MRPS35: variants seen among roughly 807,000 people sequenced by gnomAD.
MRPS35 encodes the protein small ribosomal subunit protein mS35.
In MRPS35, 29 loss-of-function variants were observed where a neutral mutation model predicts 32.7. The ratio of observed to expected loss-of-function variants is 0.89; its 90% CI spans 0.66 to 1.21. MRPS35 has a LOEUF of 1.21. Ranked by LOEUF, MRPS35 falls within the 50% of genes most tolerant of loss-of-function variation. The pLI, the probability that MRPS35 is intolerant of heterozygous loss-of-function variation, is 0.00. For missense variants in MRPS35, 373 were observed against 383.8 expected, an observed-to-expected ratio of 0.97 and a Z score of 0.23; for synonymous variants, 148 against 139.3, an observed-to-expected ratio of 1.06 and a Z score of -0.44.
At position 27,713,302 on chromosome 12, in the gene MRPS35, G is replaced by A. The variant is rs79347277; in HGVS notation, c.113-1478G>A. Among the ~76,000 whole-genome samples, 323 of 152,320 alleles carry A rather than the reference G, an allele frequency of 2.1e-3. 3 individuals carry two copies. The highest frequency in any genetic ancestry group is 0.015 in the East Asian group (77 of 5,186). ...TTTTCCAGAGAGACAGAACGTAGAT[G>A]TAGGATAGGATAGATGTAGATGTAG... On this transcript the variant is annotated intron_variant, in intron 1 of 7. Transcript: ENST00000081029.
chr12:27,754,383 A>G (rs1329714220), intron 7 of MRPS35, among the ~76,000 whole-genome samples: 2 of 152,118 alleles, frequency 1.3e-5, no homozygotes, highest in South Asian at 2.1e-4. Context: ...CAAGTATATC[A>G]CAGAAATAAA....
Position 27,716,315 on chromosome 12 carries a change from A to G in MRPS35, c.178A>G (p.Met60Val). The G allele has an allele frequency of 6.2e-7, 1 of 1,611,356 alleles. No individual in the cohort carries two copies. The highest frequency in any genetic ancestry group is 1.1e-5 in the South Asian group (1 of 90,470). ...RKALPPRTEKMAVDQDWPSVY... is the reference protein window; with the variant it reads ...RKALPPRTEKVAVDQDWPSVY... ...GGCACTACCTCCTAGGACAGAGAAA[A>G]TGGCTGTTGACCAGGACTGGCCTAG... The change falls in exon 3 of 8, where the codon ATG becomes GTG. Residue 60 changes from methionine (M) to valine (V), a missense_variant. Physicochemically the swap from Met to Val is conservative, Grantham distance 21. Transcript: ENST00000081029.
intron 5 of MRPS35, 39 bp from the exon 6 acceptor site, chr12:27,735,408 A>T (rs911859786): frequency 1.4e-6 from 2 of 1,438,666 alleles, no homozygotes; most frequent in Non-Finnish European, 9.6e-7. Flanking sequence ...AAACAATTAT[A>T]TGAAATTATT....
chr12:27,713,928 A>G (rs529253309), intron 1 of MRPS35, among the ~76,000 whole-genome samples: 1 of 152,100 alleles, frequency 6.6e-6, no homozygotes, highest in Non-Finnish European at 1.5e-5. Context: ...CTCTACAAGA[A>G]TTAGCCGGGT....
chr12:27,714,922 C>A, intron 2 of MRPS35, 102 bp downstream of exon 2: 1 of 1,011,554 alleles, frequency 9.9e-7, no homozygotes, highest in South Asian at 1.5e-5. Context: ...GAAGACTTCA[C>A]AAGGTCATGT....
At chr12:27,719,369 A>G (rs2061863711) in intron 3 of MRPS35, among the ~76,000 whole-genome samples, 1 of 152,198 alleles carries the variant, frequency 6.6e-6, no homozygotes, top group Non-Finnish European at 1.5e-5. Flanking sequence ...GAAAATCAAT[A>G]TTGTAAAAAA....
intron 1 of MRPS35, among the ~76,000 whole-genome samples, chr12:27,713,696 A>G (rs1207378400): frequency 1.3e-5 from 2 of 152,190 alleles, no homozygotes; most frequent in Admixed American, 6.5e-5. Flanking sequence ...CACTGACTCA[A>G]ATGCCTGTCT....
intron 6 of MRPS35, among the ~76,000 whole-genome samples, chr12:27,736,980 A>C (rs2061945253): frequency 6.6e-6 from 1 of 152,220 alleles, no homozygotes. Flanking sequence ...GGGCTTATGC[A>C]GTCTCCTGCC....
At chr12:27,754,081 C>G (rs189287719) in intron 7 of MRPS35, among the ~76,000 whole-genome samples, 1 of 152,148 alleles carries the variant, frequency 6.6e-6, no homozygotes, top group Admixed American at 6.6e-5. Context: ...TGGTGAAACT[C>G]CAACTCTACT....
intron 7 of MRPS35, among the ~76,000 whole-genome samples, chr12:27,740,778 C>G (rs1455918910): frequency 6.6e-6 from 1 of 152,180 alleles, no homozygotes; most frequent in African/African-American, 2.4e-5. Flanking sequence ...ATAGACATCG[C>G]AAAGCCTAAG....
chr12:27,728,898 A>C (rs145699180), intron 5 of MRPS35, among the ~76,000 whole-genome samples: 142 of 152,278 alleles, frequency 9.3e-4, no homozygotes, highest in Middle Eastern at 3.4e-3. Context: ...TATGTTTGGC[A>C]AGAATACTTT....
At chr12:27,717,386 G>A (rs1484451596) in intron 3 of MRPS35, among the ~76,000 whole-genome samples, 1 of 152,186 alleles carries the variant, frequency 6.6e-6, no homozygotes, top group Non-Finnish European at 1.5e-5. Context: ...AATAGGTTAA[G>A]GCAAATGCTT....
chr12:27,744,792 A>C, intron 7 of MRPS35, among the ~76,000 whole-genome samples: 1 of 152,324 alleles, frequency 6.6e-6, no homozygotes, highest in East Asian at 1.9e-4. Flanking sequence ...TCAGACAAAT[A>C]CATCTGGCCT....
intron 7 of MRPS35, among the ~76,000 whole-genome samples, chr12:27,752,519 TCAGG>T (rs764139991): frequency 1.3e-5 from 2 of 152,196 alleles, no homozygotes; most frequent in Non-Finnish European, 2.9e-5. Flanking sequence ...CTTCTAGCAG[TCAGG>T]CAGTTGAGTC....
chr12:27,730,534 G>A (rs1199645035), intron 5 of MRPS35, among the ~76,000 whole-genome samples: 1 of 152,178 alleles, frequency 6.6e-6, no homozygotes, highest in Admixed American at 6.5e-5. Context: ...CTGCAGCCTC[G>A]ACCTTCCCAG....
chr12:27,729,927 A>G (rs968564918), intron 5 of MRPS35, among the ~76,000 whole-genome samples: 6 of 152,350 alleles, frequency 3.9e-5, no homozygotes, highest in African/African-American at 1.2e-4. Flanking sequence ...CTTGGTACAC[A>G]TGGCATATCT....
At chr12:27,726,012 GATGC>G (rs201331074) in intron 5 of MRPS35, among the ~76,000 whole-genome samples, 2,937 of 151,194 alleles carry the variant, frequency 0.019, 58 homozygotes, top group South Asian at 0.072. Context: ...GTTTTGCCAT[GATGC>G]CCAGGCTGGT....
rs1300398266 is a variant in MRPS35 at position 27,755,421 on chromosome 12, T to TC, written c.945dup (p.Val316ArgfsTer18). 1 of 1,581,322 alleles carries TC rather than the reference T, an allele frequency of 6.3e-7. No individual in the cohort carries two copies. Among genetic ancestry groups the TC allele is most frequent in the Non-Finnish European group, 8.5e-7 (1 of 1,171,740 alleles). ...AAATTCCATTTCTCAGTACAAAGAA[T>TC]CCGTGAAGAGACTATTAAATGTGAC... On this transcript the variant is annotated frameshift_variant, in exon 8 of 8. Transcript: ENST00000081029. LOFTEE classifies it high-confidence loss of function.
At chr12:27,748,767 C>T (rs749117864) in intron 7 of MRPS35, among the ~76,000 whole-genome samples, 1 of 151,936 alleles carries the variant, frequency 6.6e-6, no homozygotes, top group Non-Finnish European at 1.5e-5. Context: ...GCCTCTTGGG[C>T]TCAAGCAATC....
Sources: gnomAD v4.1 joint callset for allele counts (sites outside exome capture counted in the v4.1 genomes callset) on GRCh38, gnomAD v4.1.1 for gene constraint, MANE v1.5 for transcripts, NCBI Gene and HGNC (gene_info 2026-07-23, HGNC 2026-07-21) for gene names.